PRICKLE2: variants seen among roughly 807,000 people sequenced by gnomAD.
PRICKLE2 encodes the protein prickle-like protein 2.
A neutral mutation model predicts 81.4 loss-of-function variants in PRICKLE2; 21 were observed. The observed-to-expected ratio is 0.26, with a 90% CI of 0.18 to 0.37. The LOEUF (loss-of-function observed/expected upper bound fraction) is 0.37, where lower values mean the gene tolerates loss of function less well. Among genes scored for constraint, PRICKLE2 ranks in the 10% least tolerant of loss-of-function variants. The pLI is 1.00. For synonymous variants in PRICKLE2, 456 were observed against 421.5 expected, an observed-to-expected ratio of 1.08 and a Z score of -1.00; for missense variants, 940 against 1,109.0, an observed-to-expected ratio of 0.85 and a Z score of 2.16.
chr3:64,214,325 C>T (rs138248668), intron 1 of PRICKLE2, among the ~76,000 whole-genome samples: 3 of 152,302 alleles, frequency 2.0e-5, no homozygotes, highest in Non-Finnish European at 2.9e-5. Flanking sequence ...ACAAGAGAAT[C>T]GAGCGATTGG....
At chr3:64,164,528 G>A (rs1029292740) in intron 2 of PRICKLE2, among the ~76,000 whole-genome samples, 1 of 152,110 alleles carries the variant, frequency 6.6e-6, no homozygotes, top group African/African-American at 2.4e-5. Flanking sequence ...TTAGAAGAGG[G>A]GGTGAAAAGG....
chr3:64,227,389 C>G (rs1397052545), upstream of PRICKLE2, among the ~76,000 whole-genome samples: 2 of 152,196 alleles, frequency 1.3e-5, no homozygotes, highest in Non-Finnish European at 2.9e-5. Context: ...GAACAAGTCA[C>G]TTCAACTTTC....
intron 2 of PRICKLE2, among the ~76,000 whole-genome samples, chr3:64,231,434 A>G (rs1050738064): frequency 1.1e-4 from 17 of 152,220 alleles, no homozygotes; most frequent in African/African-American, 3.9e-4. Context: ...ATTTTCATTA[A>G]ACAGCTGAAA....
intron 7 of PRICKLE2, among the ~76,000 whole-genome samples, chr3:64,140,669 C>T (rs1264117818): frequency 6.6e-6 from 1 of 152,156 alleles, no homozygotes; most frequent in Non-Finnish European, 1.5e-5. Context: ...ATGCCTTGGT[C>T]CCCCACTCTG....
intron 1 of PRICKLE2, among the ~76,000 whole-genome samples, chr3:64,210,660 A>G (rs113361551): frequency 7.9e-5 from 12 of 152,336 alleles, no homozygotes; most frequent in African/African-American, 2.6e-4. Flanking sequence ...TCATGCTTCA[A>G]TGAAGAATTA....
chr3:64,180,575 T>G (rs1575628194), intron 2 of PRICKLE2, among the ~76,000 whole-genome samples: 1 of 151,636 alleles, frequency 6.6e-6, no homozygotes, highest in African/African-American at 2.4e-5. Flanking sequence ...CTCTGTCACC[T>G]AGGCTGGAGT....
chr3:64,136,152 C>G (rs1184834063), intron 7 of PRICKLE2, among the ~76,000 whole-genome samples: 2 of 152,098 alleles, frequency 1.3e-5, no homozygotes, highest in Admixed American at 6.5e-5. Flanking sequence ...AGGACATCTT[C>G]AGAAATTTTG....
intron 7 of PRICKLE2, among the ~76,000 whole-genome samples, chr3:64,113,765 C>A (rs1441143124): frequency 6.6e-6 from 1 of 152,088 alleles, no homozygotes; most frequent in Non-Finnish European, 1.5e-5. Flanking sequence ...ACAGCGGACA[C>A]CCCCACACCC....
At chr3:64,124,961 T>C (rs1445048122) in intron 7 of PRICKLE2, among the ~76,000 whole-genome samples, 1 of 152,206 alleles carries the variant, frequency 6.6e-6, no homozygotes, top group Non-Finnish European at 1.5e-5. Flanking sequence ...GTGATTCCTC[T>C]GATGGATCTG....
chr3:64,230,702 A>G (rs1575693455), intron 2 of PRICKLE2, among the ~76,000 whole-genome samples: 2 of 152,346 alleles, frequency 1.3e-5, no homozygotes, highest in East Asian at 1.9e-4. Flanking sequence ...TCCTAGCAGC[A>G]TGACCTAGCA....
At chr3:64,125,722 T>C (rs2077095580) in intron 7 of PRICKLE2, among the ~76,000 whole-genome samples, 1 of 152,238 alleles carries the variant, frequency 6.6e-6, no homozygotes, top group East Asian at 1.9e-4. Flanking sequence ...ACAAAACTTT[T>C]ATATGCATTG....
At chr3:64,144,331 A>T (rs947264098) in intron 7 of PRICKLE2, among the ~76,000 whole-genome samples, 2 of 152,166 alleles carry the variant, frequency 1.3e-5, no homozygotes, top group African/African-American at 2.4e-5. Flanking sequence ...TGTTTCTTCA[A>T]CTCTGAAATG....
intron 2 of PRICKLE2, among the ~76,000 whole-genome samples, chr3:64,187,996 C>T (rs917322313): frequency 6.6e-6 from 1 of 152,194 alleles, no homozygotes; most frequent in African/African-American, 2.4e-5. Context: ...TTTCCTTTAA[C>T]AATCAGCCTT....
intron 6 of PRICKLE2, among the ~76,000 whole-genome samples, chr3:64,151,153 T>C (rs2077540890): frequency 1.3e-5 from 2 of 152,206 alleles, no homozygotes; most frequent in Admixed American, 6.5e-5. Flanking sequence ...TATGGAATAT[T>C]TGTACAGTAT....
At position 64,146,998 on chromosome 3, in the gene PRICKLE2, T is replaced by A. The variant is rs1224496739; in HGVS notation, c.1492A>T (p.Ile498Phe). 1 of 1,614,142 alleles carries A rather than the reference T, an allele frequency of 6.2e-7. No homozygotes were observed. The highest frequency in any genetic ancestry group is 8.5e-7 in the Non-Finnish European group (1 of 1,180,038). Residue 498 changes from isoleucine to phenylalanine, a missense_variant, in exon 7 of 8, where the codon ATC (isoleucine) becomes TTC (phenylalanine). This residue lies in a region of PRICKLE2 where 670 missense variants were observed against 717.2 expected (regional missense o/e 0.93). Coordinates refer to ENST00000638394, the MANE Select transcript of PRICKLE2 (RefSeq NM_198859.4). ...TCCTCCTCATATTTGGGGACTTGGA[T>A]GCTGCCTCGGGTCTCACTGAAACTC... The part of the protein sequence containing the change: ...SQSFSETRGS[I>F]QVPKYEEEEE...
chr3:64,134,337 G>A (rs778476930), intron 7 of PRICKLE2, among the ~76,000 whole-genome samples: 34 of 152,218 alleles, frequency 2.2e-4, no homozygotes, highest in Non-Finnish European at 4.0e-4. Context: ...GCATCCAGCT[G>A]AGGAGGTCCC....
chr3:64,254,165 T>C (rs73832136), intron 2 of PRICKLE2, among the ~76,000 whole-genome samples: 2 of 152,370 alleles, frequency 1.3e-5, no homozygotes, highest in African/African-American at 4.8e-5. Flanking sequence ...AAATATTTAA[T>C]GGCTCTTTCC....
intron 7 of PRICKLE2, chr3:64,146,063 C>T (rs951443889): frequency 6.6e-6 from 1 of 152,172 alleles, no homozygotes; most frequent in African/African-American, 2.4e-5. Flanking sequence ...TGCCCCAAGC[C>T]CACATCCACT....
intron 2 of PRICKLE2, among the ~76,000 whole-genome samples, chr3:64,187,762 T>G (rs1389444509): frequency 1.3e-5 from 2 of 152,176 alleles, no homozygotes; most frequent in Non-Finnish European, 2.9e-5. Context: ...TTGTCCCTCC[T>G]GGTATAAATA....
Sources: allele counts gnomAD v4.1 joint callset (sites outside exome capture counted in the v4.1 genomes callset), GRCh38; gene constraint gnomAD v4.1.1; regional missense constraint gnomAD v4.1.1; transcripts MANE v1.5; gene names NCBI Gene and HGNC (gene_info 2026-07-23, HGNC 2026-07-21).